SDHB: variants seen among roughly 807,000 people sequenced by gnomAD.
The protein encoded by SDHB is succinate dehydrogenase complex iron sulfur subunit B.
Under a neutral mutation model 39.7 loss-of-function variants are expected in SDHB, and 21 were observed. The observed-to-expected ratio is 0.53, with a 90% CI of 0.37 to 0.76. The LOEUF (loss-of-function observed/expected upper bound fraction) is 0.76, where lower values mean the gene tolerates loss of function less well. Ranked by LOEUF, SDHB falls within the 30% of genes least tolerant of loss-of-function variation. The pLI is 0.00. For synonymous variants in SDHB, 118 were observed against 117.0 expected, an observed-to-expected ratio of 1.01 and a Z score of -0.06; for missense variants, 343 against 350.9, an observed-to-expected ratio of 0.98 and a Z score of 0.18.
In SDHB at chr1:17,049,765, C is replaced by T. The variant is rs1340863211; in HGVS notation, c.72+4183G>A. Reference sequence around the variant, plus strand: ...GGTTCAAGCAATTCTCCTGCCTCAGCCTCCCAAGTAGCTGGGATTACAGGC... The same window carrying T: ...GGTTCAAGCAATTCTCCTGCCTCAGTCTCCCAAGTAGCTGGGATTACAGGC... On this transcript the variant is annotated intron_variant, in intron 1 of 7. Transcript: ENST00000375499. Among the ~76,000 whole-genome samples the T allele has an allele frequency of 7.4e-5, 11 of 149,290 alleles. No individual in the cohort carries two copies. The Admixed American group carries it at 7.4e-4, about 10-fold the overall frequency.
At chr1:17,052,412 C>T (rs1436486690) in intron 1 of SDHB, 2 of 152,152 alleles carry the variant, frequency 1.3e-5, no homozygotes, top group African/African-American at 2.4e-5. Flanking sequence ...GAAGGGGAGG[C>T]CTTGGGGCTC....
chr1:17,020,081 C>A (rs2077952401), intron 7 of SDHB, among the ~76,000 whole-genome samples: 1 of 152,188 alleles, frequency 6.6e-6, no homozygotes, highest in South Asian at 2.1e-4. Flanking sequence ...GCATAAAACA[C>A]CTCTGAAGTT....
intron 2 of SDHB, among the ~76,000 whole-genome samples, chr1:17,041,535 G>A (rs768326927): frequency 4.6e-5 from 7 of 151,978 alleles, no homozygotes; most frequent in South Asian, 2.1e-4. Flanking sequence ...TGTGACGCGC[G>A]CCTGTAGTCC....
chr1:17,023,751 G>A (rs2077976047), intron 6 of SDHB, among the ~76,000 whole-genome samples: 1 of 152,202 alleles, frequency 6.6e-6, no homozygotes, highest in Admixed American at 6.5e-5. Flanking sequence ...GCACCCCTTT[G>A]GGGTGACCCT....
intron 4 of SDHB, among the ~76,000 whole-genome samples, chr1:17,028,125 A>G (rs1370391783): frequency 2.0e-5 from 3 of 152,188 alleles, no homozygotes; most frequent in Non-Finnish European, 4.4e-5. Flanking sequence ...CTGCCCTTGA[A>G]AACACCACGT....
intron 1 of SDHB, among the ~76,000 whole-genome samples, chr1:17,050,328 C>T (rs1157225092): frequency 6.6e-6 from 1 of 150,804 alleles, no homozygotes; most frequent in Non-Finnish European, 1.5e-5. Context: ...TTCAGTACAA[C>T]TAATTTAAAT....
At chr1:17,039,761 T>C (rs767373935) in intron 2 of SDHB, among the ~76,000 whole-genome samples, 11 of 152,256 alleles carry the variant, frequency 7.2e-5, no homozygotes, top group Non-Finnish European at 1.2e-4. Context: ...TTACCTGCTG[T>C]TCCCAGCCCC....
At chr1:17,038,877 T>A (rs1252049680) in intron 2 of SDHB, among the ~76,000 whole-genome samples, 1 of 152,192 alleles carries the variant, frequency 6.6e-6, no homozygotes, top group Admixed American at 6.5e-5. Flanking sequence ...CATGAATGAG[T>A]GTTGAATCTT....
In SDHB at chr1:17,044,791, T is replaced by C. The variant is rs35962811; in HGVS notation, c.170A>G (p.His57Arg). 663 of 1,614,114 alleles carry C rather than the reference T, an allele frequency of 4.1e-4. 1 individual carries two copies. The African/African-American group carries it at 7.3e-3, about 18-fold the overall frequency. The change falls in exon 2 of 8, where the codon CAT becomes CGT. Residue 57 changes from histidine (H) to arginine (R), a missense_variant. By Grantham distance (29) the His-to-Arg change is conservative. Transcript: ENST00000375499. ...AAGGTCAACTTCATAAGTCTGCATA[T>C]GAGGTTTGTCTCCAGCCTTGTCTGG... ...WDPDKAGDKP[H>R]MQTYEVDLNK... is the part of the protein sequence containing the mutation.
intron 5 of SDHB, 61 bp from the exon 6 acceptor site, chr1:17,024,135 G>T: frequency 2.5e-6 from 3 of 1,191,366 alleles, no homozygotes; most frequent in Non-Finnish European, 2.5e-6. Flanking sequence ...TATGTCTTCA[G>T]CTGATTAAAT....
At position 17,044,890 on chromosome 1, in the gene SDHB, T is replaced by A. The variant is rs1474282888; in HGVS notation, c.73-2A>T. 6.2e-7 allele frequency: 1 copy of A among 1,613,186 alleles called. No homozygotes were observed. Among genetic ancestry groups the A allele is most frequent in the Non-Finnish European group, 8.5e-7 (1 of 1,179,712 alleles). ...AGCTGTCTGGGCTCCTCGGGAGGCC[T>A]GAAATTTTTTAAAGTTCACAAAAAG... On this transcript the variant is annotated splice_acceptor_variant, in intron 1 of 7. Transcript: ENST00000375499. LOFTEE classifies it high-confidence loss of function.
chr1:17,053,819 A>AG, intron 1 of SDHB, 129 bp downstream of exon 1: 1 of 722,450 alleles, frequency 1.4e-6, no homozygotes, highest in Non-Finnish European at 2.5e-6. Context: ...GCACTGCACC[A>AG]GGGGGAGGAG....
At position 17,053,926 on chromosome 1, in the gene SDHB, T is replaced by C. The variant is rs200526696; in HGVS notation, c.72+22A>G. On this transcript the variant is annotated intron_variant, in intron 1 of 7. Transcript: ENST00000375499. ...CTCTGTGGCTTTCCTGACTTTTCCC[T>C]CTCTGAGGCTCCAGGACTCACCTGC... is the stretch of plus-strand genomic sequence containing the variant. 1.2e-5 allele frequency: 19 copies of C among 1,600,038 alleles called. No individual in the cohort carries two copies. In the Admixed American group the frequency reaches 3.2e-4, roughly 27 times the overall value.
At chr1:17,024,203 C>G (rs2077979923) in intron 5 of SDHB, 129 bp from the exon 6 acceptor site, 1 of 714,390 alleles carries the variant, frequency 1.4e-6, no homozygotes, top group African/African-American at 1.7e-5. Context: ...ATTTTCTTAG[C>G]AAAATCCAAG....
In SDHB at chr1:17,046,628, G is replaced by C. The variant is rs188017771; in HGVS notation, c.73-1740C>G. On this transcript the variant is annotated intron_variant, in intron 1 of 7. Transcript: ENST00000375499. ...CATACGGTACGTAGTCTCATGTCTA[G>C]CTTCTTTCACTCAACATAATGCTTC... is the stretch of plus-strand genomic sequence containing the variant. Among the ~76,000 whole-genome samples, 3 of 152,244 alleles carry C rather than the reference G, an allele frequency of 2.0e-5. No individual in the cohort carries two copies. The East Asian group carries it at 5.8e-4, about 29-fold the overall frequency.
chr1:17,039,763 C>G (rs1338001459), intron 2 of SDHB, among the ~76,000 whole-genome samples: 2 of 152,182 alleles, frequency 1.3e-5, no homozygotes, highest in East Asian at 1.9e-4. Flanking sequence ...ACCTGCTGTT[C>G]CCAGCCCCTA....
Position 17,054,013 on chromosome 1 carries a change from C to T in SDHB, c.7G>A (p.Ala3Thr), listed in dbSNP as rs765429934. The change falls in exon 1 of 8, where the codon GCG becomes ACG. Residue 3 changes from alanine to threonine, a missense_variant. Coordinates refer to ENST00000375499, the MANE Select transcript of SDHB (RefSeq NM_003000.3). ...CGCCTCAAGGAGAGGGCGACCACCG[C>T]CGCCATCTTGGCTCCTGACGTCAGC... is the stretch of plus-strand genomic sequence containing the variant. MAAVVALSLRRRL... is the reference protein window; with the variant it reads MATVVALSLRRRL... The T allele has an allele frequency of 1.9e-6, 3 of 1,610,806 alleles. No homozygotes were observed. The highest frequency in any genetic ancestry group is 1.3e-5 in the African/African-American group (1 of 74,876).
At chr1:17,041,899 T>C (rs1196952700) in intron 2 of SDHB, among the ~76,000 whole-genome samples, 1 of 152,064 alleles carries the variant, frequency 6.6e-6, no homozygotes, top group Non-Finnish European at 1.5e-5. Context: ...AAAATGTGTC[T>C]TCTCGTTATT....
chr1:17,038,979 ATTTC>A (rs1346643625), intron 2 of SDHB, among the ~76,000 whole-genome samples: 9 of 152,046 alleles, frequency 5.9e-5, no homozygotes, highest in Admixed American at 6.6e-5. Flanking sequence ...TTTCAAATGT[ATTTC>A]TTTATTTTTT....
Sources: allele counts gnomAD v4.1 joint callset (sites outside exome capture counted in the v4.1 genomes callset), GRCh38; gene constraint gnomAD v4.1.1; transcripts MANE v1.5; gene names NCBI Gene and HGNC (gene_info 2026-07-23, HGNC 2026-07-21).